The following LUZP2 variants were observed in gnomAD, a reference collection of about 807,000 sequenced individuals.
LUZP2 encodes the protein leucine zipper protein 2.
In LUZP2, 52 loss-of-function variants were observed where a neutral mutation model predicts 51.6. The ratio of observed to expected loss-of-function variants is 1.01; its 90% confidence interval spans 0.81 to 1.27. LUZP2 has a LOEUF of 1.27. LUZP2 is among the 50% of genes most tolerant of loss of function. LUZP2 has a pLI of 0.00. For synonymous variants in LUZP2, 154 were observed against 137.3 expected (o/e 1.12, Z -0.85); for missense variants, 436 against 395.4 (o/e 1.10, Z -0.87).
intron 5 of LUZP2, among the ~76,000 whole-genome samples, chr11:24,857,378 A>G (rs951008656): frequency 6.7e-6 from 1 of 150,084 alleles, no homozygotes; most frequent in Non-Finnish European, 1.5e-5. Flanking sequence ...TCAAGTACTG[A>G]GTATAGTGTA....
At chr11:24,635,411 A>G (rs912861421) in intron 1 of LUZP2, among the ~76,000 whole-genome samples, 3 of 72,592 alleles carry the variant, frequency 4.1e-5, no homozygotes, top group Admixed American at 1.9e-4. Context: ...TAAACCTCAA[A>G]TCAGAAAAGA....
At chr11:24,780,808 T>C (rs1250693615) in intron 5 of LUZP2, among the ~76,000 whole-genome samples, 4 of 152,172 alleles carry the variant, frequency 2.6e-5, no homozygotes, top group Admixed American at 1.3e-4. Flanking sequence ...TTATATCACA[T>C]CTTCATCATA....
chr11:25,047,739 AT>A (rs1858360801), intron 9 of LUZP2, among the ~76,000 whole-genome samples: 1 of 151,768 alleles, frequency 6.6e-6, no homozygotes, highest in Non-Finnish European at 1.5e-5. Context: ...CTTCTGTTTC[AT>A]TTTTGCCTAT....
At chr11:24,832,210 G>A (rs1423262298) in intron 5 of LUZP2, among the ~76,000 whole-genome samples, 1 of 151,952 alleles carries the variant, frequency 6.6e-6, no homozygotes, top group Non-Finnish European at 1.5e-5. Flanking sequence ...CTTGAAAAAT[G>A]AATAGAACAA....
chr11:25,046,461 C>G (rs1335460611), intron 9 of LUZP2, among the ~76,000 whole-genome samples: 2 of 152,028 alleles, frequency 1.3e-5, no homozygotes, highest in Non-Finnish European at 2.9e-5. Flanking sequence ...ATGTCCACTA[C>G]CCTTGCTTCA....
chr11:24,922,746 T>G (rs559699514), intron 7 of LUZP2, among the ~76,000 whole-genome samples: 10 of 148,380 alleles, frequency 6.7e-5, no homozygotes, highest in African/African-American at 2.4e-4. Flanking sequence ...ATTGTTATCT[T>G]ATGGATTAGA....
At chr11:24,723,054 C>T (rs1858337759) in intron 1 of LUZP2, among the ~76,000 whole-genome samples, 1 of 151,918 alleles carries the variant, frequency 6.6e-6, no homozygotes, top group Non-Finnish European at 1.5e-5. Flanking sequence ...AATGGGCAAA[C>T]TAATGGAAAA....
chr11:24,930,889 T>G (rs887482405), intron 7 of LUZP2, among the ~76,000 whole-genome samples: 1 of 152,168 alleles, frequency 6.6e-6, no homozygotes, highest in African/African-American at 2.4e-5. Flanking sequence ...TTTAATGTAA[T>G]CCCAAACTTC....
At chr11:25,054,180 T>C (rs1223028550) in intron 10 of LUZP2, among the ~76,000 whole-genome samples, 2 of 152,362 alleles carry the variant, frequency 1.3e-5, no homozygotes, top group African/African-American at 2.4e-5. Context: ...CATTAATTCT[T>C]TGATACATCT....
intron 1 of LUZP2, among the ~76,000 whole-genome samples, chr11:24,587,330 C>A (rs72878819): frequency 3.9e-4 from 59 of 152,156 alleles, no homozygotes; most frequent in Non-Finnish European, 7.1e-4. Flanking sequence ...TGGTTTCACC[C>A]AAATGTCTCA....
At chr11:24,981,397 C>T (rs1208153273) in intron 8 of LUZP2, among the ~76,000 whole-genome samples, 2 of 151,730 alleles carry the variant, frequency 1.3e-5, no homozygotes, top group African/African-American at 4.8e-5. Flanking sequence ...ATATAATGAG[C>T]AGTGAGGATG....
intron 1 of LUZP2, among the ~76,000 whole-genome samples, chr11:24,558,039 A>G (rs1251478947): frequency 6.6e-6 from 1 of 152,134 alleles, no homozygotes; most frequent in Non-Finnish European, 1.5e-5. Context: ...GATAGGCAAC[A>G]TTCAAACAGC....
rs575796417 is a variant in LUZP2, at chr11:24,680,722, C to T, written c.63-48447C>T. On this transcript the variant is annotated intron_variant, in intron 1 of 11. Transcript: ENST00000336930. ...GGCCAGAAAATTCATACACCTGATCCGAAATACTACTAACAAATTCCTTAC... is the reference window on the plus strand; with the variant it reads ...GGCCAGAAAATTCATACACCTGATCTGAAATACTACTAACAAATTCCTTAC... Among the ~76,000 whole-genome samples the T allele has an allele frequency of 3.5e-4, 53 of 152,066 alleles. 1 individual carries two copies. Among genetic ancestry groups the T allele is most frequent in the Non-Finnish European group, 1.6e-4 (11 of 68,014 alleles).
chr11:24,885,258 T>C (rs1162120780), intron 5 of LUZP2, among the ~76,000 whole-genome samples: 1 of 152,098 alleles, frequency 6.6e-6, no homozygotes, highest in Non-Finnish European at 1.5e-5. Flanking sequence ...AAAAGATGAC[T>C]CTTCTTTATG....
At chr11:24,939,343 G>C (rs897166189) in intron 7 of LUZP2, among the ~76,000 whole-genome samples, 1 of 151,916 alleles carries the variant, frequency 6.6e-6, no homozygotes. Context: ...AAGGGAGAGG[G>C]TCTAGTTTGC....
chr11:24,681,128 C>T (rs1411023395), intron 1 of LUZP2, among the ~76,000 whole-genome samples: 1 of 151,948 alleles, frequency 6.6e-6, no homozygotes, highest in African/African-American at 2.4e-5. Flanking sequence ...ACTACAGGCG[C>T]CCGCCACCGC....
intron 9 of LUZP2, among the ~76,000 whole-genome samples, chr11:24,992,254 C>T (rs1042653794): frequency 1.3e-5 from 2 of 152,008 alleles, no homozygotes; most frequent in Admixed American, 6.6e-5. Context: ...GGATTGAATA[C>T]TTAAATTGAA....
chr11:24,898,602 G>A (rs996561440), intron 5 of LUZP2, among the ~76,000 whole-genome samples: 2 of 150,580 alleles, frequency 1.3e-5, no homozygotes, highest in Non-Finnish European at 1.5e-5. Flanking sequence ...CAGCCTGTGC[G>A]ACAGAGCAAG....
rs75309672 is a variant in LUZP2 at position 24,811,981 on chromosome 11, A to G, written c.396+48673A>G. ...AGAAACTATGTAAAACAAACAAACA[A>G]AAAAGGTGGTTGAAGGAAGAGAAAG... On this transcript the variant is annotated intron_variant, in intron 5 of 11. Coordinates refer to ENST00000336930, the MANE Select transcript of LUZP2 (RefSeq NM_001009909.4). Among the ~76,000 whole-genome samples, 432 of 152,228 alleles carry G rather than the reference A, an allele frequency of 2.8e-3. 2 individuals carry two copies. The highest frequency in any genetic ancestry group is 9.9e-3 in the African/African-American group (411 of 41,546).
Sources: allele counts gnomAD v4.1 joint callset (sites outside exome capture counted in the v4.1 genomes callset), GRCh38; gene constraint gnomAD v4.1.1; transcripts MANE v1.5; gene names NCBI Gene and HGNC (gene_info 2026-07-23, HGNC 2026-07-21).